Variants in TRRAP observed in about 807,000 individuals in gnomAD.
The protein encoded by TRRAP is transformation/transcription domain associated protein.
A neutral mutation model predicts 438.8 loss-of-function variants in TRRAP; 41 were observed. That is an observed-to-expected ratio of 0.09 (90% confidence interval 0.07 to 0.12). The LOEUF (loss-of-function observed/expected upper bound fraction) is 0.12, where lower values mean the gene tolerates loss of function less well. Ranked by LOEUF, TRRAP falls within the 10% of genes least tolerant of loss-of-function variation. The pLI, the probability that TRRAP is intolerant of heterozygous loss-of-function variation, is 1.00. For missense variants in TRRAP, 3,122 were observed against 5,055.1 expected, an observed-to-expected ratio of 0.62 and a Z score of 11.60; for synonymous variants, 1,994 against 1,962.9, an observed-to-expected ratio of 1.02 and a Z score of -0.42.
At chr7:98,942,055 A>T (rs993132658) in intron 30 of TRRAP, among the ~76,000 whole-genome samples, 2 of 152,168 alleles carry the variant, frequency 1.3e-5, no homozygotes, top group Non-Finnish European at 2.9e-5. Context: ...CTGTTATTGA[A>T]TGCTCTTCTT....
In TRRAP at chr7:98,948,143, T is replaced by C. The variant is rs532063008; in HGVS notation, c.4549-78T>C. 1.7e-4 allele frequency: 277 copies of C among 1,590,150 alleles called. No homozygotes were observed. Among genetic ancestry groups the C allele is most frequent in the Non-Finnish European group, 2.1e-4 (244 of 1,168,304 alleles). On this transcript the variant is annotated intron_variant, in intron 33 of 72. Transcript: ENST00000456197. This position sits in a 1 kb window ranked among gnomAD's most constrained non-coding sequence, Gnocchi z 4.9. The stretch of plus-strand genomic sequence containing the variant: ...CCTTGCCAACATAGTTAGACTATAG[T>C]AGGGTCTGTAGTGACGTTGACCTCT...
In TRRAP at chr7:98,952,179, A is replaced by G. The variant is rs534514550; in HGVS notation, c.5464-988A>G. ...CGGTTAGGATACTTAGTTGAATTGA[A>G]TGATGCTGCCATTATACTTGATTTA... On this transcript the variant is annotated intron_variant, in intron 39 of 72. Transcript: ENST00000456197. 7.0e-4 allele frequency among the ~76,000 whole-genome samples: 106 copies of G among 152,346 alleles called. 1 individual carries two copies. Among genetic ancestry groups the G allele is most frequent in the Admixed American group, 6.1e-3 (94 of 15,302 alleles).
intron 30 of TRRAP, among the ~76,000 whole-genome samples, chr7:98,939,359 A>T (rs181087997): frequency 9.2e-5 from 14 of 152,270 alleles, no homozygotes; most frequent in Admixed American, 8.5e-4. Flanking sequence ...CAGTGCACAG[A>T]TACATTGTAT....
rs1794432944 is a variant in TRRAP, at chr7:99,011,662, T to G, written c.11337+127T>G. ...CGCTCTCCACAGTGGCCAGCACCCC[T>G]GTGTGTTATGTCCTTTGCTGTGAGG... is the stretch of plus-strand genomic sequence containing the variant. On this transcript the variant is annotated intron_variant, in intron 72 of 72. Transcript: ENST00000456197. This position sits in a 1 kb window ranked among gnomAD's most constrained non-coding sequence, Gnocchi z 7.1. 2 of 1,085,818 alleles carry G rather than the reference T, an allele frequency of 1.8e-6. No homozygotes were observed. Among genetic ancestry groups the G allele is most frequent in the Non-Finnish European group, 2.6e-6 (2 of 771,512 alleles). The allele number at this position is 1,085,818 out of a possible 1,614,324, so 67.3% of individuals were successfully genotyped here.
chr7:98,946,794 C>T (rs1464676104), intron 33 of TRRAP, among the ~76,000 whole-genome samples: 2 of 152,220 alleles, frequency 1.3e-5, no homozygotes, highest in African/African-American at 4.8e-5. Flanking sequence ...CTCCTGCCTC[C>T]CAGTGGTGTT....
intron 64 of TRRAP, 70 bp downstream of exon 64, chr7:98,990,689 C>G: frequency 6.6e-7 from 1 of 1,506,690 alleles, no homozygotes; most frequent in Non-Finnish European, 9.0e-7. Context: ...TCTTTTTTCT[C>G]CCAGAAAGTA....
rs1554419794 is a variant in TRRAP at position 98,956,377 on chromosome 7, C to G, written c.6097-22C>G. On this transcript the variant is annotated intron_variant, in intron 42 of 72. Coordinates refer to ENST00000456197, the MANE Select transcript of TRRAP (RefSeq NM_001375524.1). The surrounding 1 kb of genome is among the most constrained non-coding windows in gnomAD (Gnocchi z 4.5). ...CTCCCTAGAAATCAGTCAGTAAAAC[C>G]AAGCGCCTGTGTGTTTTTAAGCCGG... The G allele has an allele frequency of 6.2e-7, 1 of 1,613,538 alleles. No homozygotes were observed.
At chr7:98,946,690 GCA>G (rs782058776) in intron 33 of TRRAP, among the ~76,000 whole-genome samples, 10 of 151,914 alleles carry the variant, frequency 6.6e-5, no homozygotes, top group Non-Finnish European at 1.2e-4. Flanking sequence ...TACCACACAT[GCA>G]CACACACACT....
intron 6 of TRRAP, among the ~76,000 whole-genome samples, chr7:98,894,570 A>T (rs1162433086): frequency 6.6e-6 from 1 of 151,700 alleles, no homozygotes; most frequent in African/African-American, 2.4e-5. Context: ...TCTCAAAAAC[A>T]GGATTTTATG....
Position 98,967,020 on chromosome 7 carries a change from CT to C in TRRAP, c.7177-17del. On this transcript the variant is annotated intron_variant, in intron 49 of 72. Coordinates refer to ENST00000456197, the MANE Select transcript of TRRAP (RefSeq NM_001375524.1). ...ATGGTTGAAATACTTTTAACTGCGT[CT>C]TTTCTCAAATTTCATACAGACACCT... 6.3e-7 allele frequency: 1 copy of C among 1,594,436 alleles called. No homozygotes were observed. The highest frequency in any genetic ancestry group is 8.5e-7 in the Non-Finnish European group (1 of 1,172,606).
intron 12 of TRRAP, among the ~76,000 whole-genome samples, chr7:98,905,832 G>C (rs1265224975): frequency 1.3e-5 from 2 of 152,200 alleles, no homozygotes; most frequent in Admixed American, 6.5e-5. Flanking sequence ...CAAACTGGTT[G>C]GGAGGGTGGT....
rs780633570 is a variant in TRRAP at position 98,976,915 on chromosome 7, A to C, written c.8248-24A>C. 12 of 1,613,756 alleles carry C rather than the reference A, an allele frequency of 7.4e-6. No homozygotes were observed. The highest frequency in any genetic ancestry group is 1.0e-5 in the Non-Finnish European group (12 of 1,179,912). On this transcript the variant is annotated intron_variant, in intron 55 of 72. Coordinates refer to ENST00000456197, the MANE Select transcript of TRRAP (RefSeq NM_001375524.1). The surrounding 1 kb of genome is among the most constrained non-coding windows in gnomAD (Gnocchi z 4.6). ...AAAAAAGTCTCTGTCTCAAGCACTCAGGAACCTTACTTTGTGTTTTCAGGA... is the reference window on the plus strand; with the variant it reads ...AAAAAAGTCTCTGTCTCAAGCACTCCGGAACCTTACTTTGTGTTTTCAGGA...
intron 31 of TRRAP, among the ~76,000 whole-genome samples, chr7:98,944,387 TAGC>T (rs1479370875): frequency 6.6e-6 from 1 of 152,212 alleles, no homozygotes; most frequent in Non-Finnish European, 1.5e-5. Flanking sequence ...TCATAAAAGT[TAGC>T]AGATTATTTG....
chr7:99,006,963 T>G (rs1158013295), intron 69 of TRRAP, among the ~76,000 whole-genome samples: 1 of 152,216 alleles, frequency 6.6e-6, no homozygotes, highest in Non-Finnish European at 1.5e-5. Context: ...CGCCCAGCGC[T>G]CCTGCCGCCT....
At chr7:98,887,065 T>A (rs886297450) in intron 3 of TRRAP, among the ~76,000 whole-genome samples, 1 of 152,102 alleles carries the variant, frequency 6.6e-6, no homozygotes, top group African/African-American at 2.4e-5. Context: ...CATGCTCAGC[T>A]TGAGTGAATC....
chr7:98,987,617 G>A (rs1347484177), intron 62 of TRRAP, among the ~76,000 whole-genome samples: 1 of 152,316 alleles, frequency 6.6e-6, no homozygotes, highest in South Asian at 2.1e-4. Flanking sequence ...ATAAGATCGT[G>A]TCAACTGCAG....
intron 53 of TRRAP, among the ~76,000 whole-genome samples, chr7:98,972,836 T>C (rs184819424): frequency 6.6e-6 from 1 of 152,352 alleles, no homozygotes; most frequent in Admixed American, 6.5e-5. Flanking sequence ...GTGCACTGGA[T>C]CAGTCTTTGA....
chr7:98,900,808 T>C, intron 11 of TRRAP, 88 bp downstream of exon 11: 1 of 1,059,092 alleles, frequency 9.4e-7, no homozygotes, highest in South Asian at 1.5e-5. Context: ...TTCTAGGAAT[T>C]GACAAATATT....
intron 59 of TRRAP, 136 bp downstream of exon 59, chr7:98,982,096 A>C: frequency 1.2e-6 from 1 of 852,500 alleles, no homozygotes; most frequent in Non-Finnish European, 1.7e-6. Context: ...TCTCCCACTT[A>C]TACGCGTCCT....
Sources: allele counts gnomAD v4.1 joint callset (sites outside exome capture counted in the v4.1 genomes callset), GRCh38; gene constraint gnomAD v4.1.1; non-coding constraint Gnocchi (gnomAD v3.1); transcripts MANE v1.5; gene names NCBI Gene and HGNC (gene_info 2026-07-23, HGNC 2026-07-21).